Variants in MCTP2 observed in about 807,000 individuals in gnomAD.
The protein encoded by MCTP2 is multiple C2 and transmembrane domain containing 2, also known as multiple C2 and transmembrane domain-containing protein 2.
MCTP2 carries 132 observed loss-of-function variants against 111.6 expected under a neutral mutation model. That is an observed-to-expected ratio of 1.18 (90% CI 1.03 to 1.37). The LOEUF is 1.37. Among genes scored for constraint, MCTP2 ranks in the 40% most tolerant of loss-of-function variants. The pLI, the probability that MCTP2 is intolerant of heterozygous loss-of-function variation, is 0.00. For synonymous variants in MCTP2, 395 were observed against 387.7 expected (o/e 1.02, Z -0.22); for missense variants, 1,183 against 1,067.9 (o/e 1.11, Z -1.50).
chr15:94,455,927 T>C (rs916210929), intron 19 of MCTP2, among the ~76,000 whole-genome samples: 1 of 152,220 alleles, frequency 6.6e-6, no homozygotes, highest in African/African-American at 2.4e-5. Flanking sequence ...TATATGAATA[T>C]ATATCACAAA....
chr15:94,438,859 T>C (rs1454963110), intron 17 of MCTP2, among the ~76,000 whole-genome samples: 2 of 152,172 alleles, frequency 1.3e-5, no homozygotes, highest in Non-Finnish European at 2.9e-5. Flanking sequence ...AGAAGTATTT[T>C]CATTAAAGCC....
chr15:94,238,513 G>GA (rs544690740), intron 1 of MCTP2, among the ~76,000 whole-genome samples: 18 of 148,102 alleles, frequency 1.2e-4, no homozygotes, highest in South Asian at 4.2e-4. Context: ...GTAGCTAGGA[G>GA]AAAAAAAAAA....
chr15:94,252,111 C>T (rs139384459), intron 1 of MCTP2, among the ~76,000 whole-genome samples: 213 of 152,296 alleles, frequency 1.4e-3, no homozygotes, highest in African/African-American at 4.8e-3. Context: ...TCCCTGCTTT[C>T]GTTTCTTTTG....
chr15:94,289,251 A>C (rs533551333), intron 1 of MCTP2, among the ~76,000 whole-genome samples: 2 of 152,244 alleles, frequency 1.3e-5, no homozygotes, highest in East Asian at 3.8e-4. Context: ...GATAACTGAT[A>C]TATGGAAGAA....
Position 94,483,635 on chromosome 15 carries a change from A to G in MCTP2, c.*4601A>G, listed in dbSNP as rs1342748768. 1 of 152,212 alleles carries G rather than the reference A, an allele frequency of 6.6e-6. No homozygotes were observed. Among genetic ancestry groups the G allele is most frequent in the African/African-American group, 2.4e-5 (1 of 41,458 alleles). The allele number at this position is 152,212 out of a possible 1,614,324, so 9.4% of individuals were successfully genotyped here. ...AACCAAATACCACATGTTCTCATTT[A>G]TAGGTAGGAGTTAAATGATGAGAAC... On this transcript the variant is annotated 3_prime_UTR_variant, in exon 23 of 23. Coordinates refer to ENST00000357742, the MANE Select transcript of MCTP2 (RefSeq NM_001385001.1).
At chr15:94,299,165 A>G (rs1216472213) in intron 2 of MCTP2, among the ~76,000 whole-genome samples, 2 of 150,786 alleles carry the variant, frequency 1.3e-5, no homozygotes, top group Admixed American at 1.3e-4. Context: ...CAGTGTTCCC[A>G]TTAGTTTTAG....
chr15:94,439,405 G>A (rs945351834), intron 17 of MCTP2, among the ~76,000 whole-genome samples: 2 of 151,732 alleles, frequency 1.3e-5, no homozygotes, highest in Admixed American at 6.6e-5. Flanking sequence ...AGTTTGAAAC[G>A]AAAGTGAGAC....
In MCTP2 at chr15:94,326,825, CCCA is replaced by C. The variant is rs1422931096; in HGVS notation, c.637+11189_637+11191del. On this transcript the variant is annotated intron_variant, in intron 4 of 22. Coordinates refer to ENST00000357742, the MANE Select transcript of MCTP2 (RefSeq NM_001385001.1). Reference sequence around the variant, plus strand: ...TCAGGTGATCCCCGCCCCACCCCCCCCCAACCTCGGCCTCCCAAAGTGCTGGGA... The same window carrying C: ...TCAGGTGATCCCCGCCCCACCCCCCCACCTCGGCCTCCCAAAGTGCTGGGA... 5.7e-5 allele frequency among the ~76,000 whole-genome samples: 6 copies of C among 104,472 alleles called. 1 individual carries two copies. Among genetic ancestry groups the C allele is most frequent in the South Asian group, 9.0e-4 (2 of 2,222 alleles). The allele number at this position is 104,472 out of a possible 152,430, so 68.5% of individuals were successfully genotyped here.
At chr15:94,402,544 G>A (rs1567634636) in intron 17 of MCTP2, 2 of 1,551,644 alleles carry the variant, frequency 1.3e-6, no homozygotes, top group Non-Finnish European at 1.7e-6. Flanking sequence ...GGTGACATTG[G>A]CCCATCCTTA....
chr15:94,231,478 C>G (rs974038223), upstream of MCTP2: 1 of 168 alleles, frequency 6.0e-3, no homozygotes, highest in Non-Finnish European at 8.6e-3. Flanking sequence ...CGCCTCCTCC[C>G]CTTTAGGCGG....
intron 20 of MCTP2, among the ~76,000 whole-genome samples, chr15:94,464,234 T>C (rs1420645246): frequency 3.4e-5 from 2 of 58,296 alleles, no homozygotes; most frequent in East Asian, 8.0e-4. Flanking sequence ...TATGTTTATA[T>C]ATATAATATA....
chr15:94,405,996 G>A (rs934197822), intron 17 of MCTP2, among the ~76,000 whole-genome samples: 1 of 152,060 alleles, frequency 6.6e-6, no homozygotes, highest in African/African-American at 2.4e-5. Flanking sequence ...GAAATATTTT[G>A]CCTTGAAGTA....
intron 1 of MCTP2, among the ~76,000 whole-genome samples, chr15:94,245,166 A>G (rs1270822795): frequency 6.8e-6 from 1 of 147,786 alleles, no homozygotes; most frequent in African/African-American, 2.5e-5. Context: ...GTATATTTAT[A>G]CACATGTATA....
intron 19 of MCTP2, among the ~76,000 whole-genome samples, chr15:94,451,290 A>T (rs186744215): frequency 2.1e-4 from 32 of 152,088 alleles, no homozygotes; most frequent in Admixed American, 1.2e-3. Flanking sequence ...TTGTGTGTTT[A>T]AAAAAAACAA....
chr15:94,400,238 T>G (rs1387088648), intron 16 of MCTP2, among the ~76,000 whole-genome samples: 1 of 152,198 alleles, frequency 6.6e-6, no homozygotes, highest in African/African-American at 2.4e-5. Flanking sequence ...ACAGAAGGTC[T>G]CAGGCCCCCA....
At chr15:94,436,671 T>G (rs533305002) in intron 17 of MCTP2, among the ~76,000 whole-genome samples, 33 of 152,280 alleles carry the variant, frequency 2.2e-4, no homozygotes, top group African/African-American at 7.9e-4. Context: ...GTTCAAGTAA[T>G]TTTTTCAAAG....
At chr15:94,334,497 A>G in intron 4 of MCTP2, among the ~76,000 whole-genome samples, 1 of 152,208 alleles carries the variant, frequency 6.6e-6, no homozygotes. Flanking sequence ...ATTTAAATAC[A>G]TTTGTAAAAT....
chr15:94,395,192 C>T (rs2081217985), intron 14 of MCTP2, among the ~76,000 whole-genome samples: 1 of 152,196 alleles, frequency 6.6e-6, no homozygotes, highest in Admixed American at 6.5e-5. Flanking sequence ...ATTGGAGAGC[C>T]ACTTTCCATG....
intron 10 of MCTP2, among the ~76,000 whole-genome samples, chr15:94,361,390 G>T (rs964317498): frequency 5.9e-5 from 9 of 152,120 alleles, no homozygotes; most frequent in Non-Finnish European, 1.0e-4. Flanking sequence ...CAGCTCTGGG[G>T]TCACACATCC....
Sources: gnomAD v4.1 joint callset for allele counts (sites outside exome capture counted in the v4.1 genomes callset) on GRCh38, gnomAD v4.1.1 for gene constraint, MANE v1.5 for transcripts, NCBI Gene and HGNC (gene_info 2026-07-23, HGNC 2026-07-21) for gene names.